The following HHIPL2 variants were observed in gnomAD, a reference collection of about 807,000 sequenced individuals.
HHIPL2 encodes HHIP-like protein 2.
HHIPL2 carries 61 observed loss-of-function variants against 61.0 expected under a neutral mutation model. The observed-to-expected ratio is 1.00, with a 90% CI of 0.81 to 1.24. The LOEUF is 1.24. Ranked by LOEUF, HHIPL2 falls within the 50% of genes most tolerant of loss-of-function variation. The pLI, the probability that HHIPL2 is intolerant of heterozygous loss-of-function variation, is 0.00. For synonymous variants in HHIPL2, 343 were observed against 357.4 expected, an observed-to-expected ratio of 0.96 and a Z score of 0.45; for missense variants, 885 against 910.2, an observed-to-expected ratio of 0.97 and a Z score of 0.36.
rs371900005 is a variant in HHIPL2, at chr1:222,538,708, T to A, written c.1517A>T (p.Tyr506Phe). The change falls in exon 5 of 9, where the codon TAT becomes TTT. Residue 506 changes from tyrosine (Y) to phenylalanine (F), a missense_variant. Coordinates refer to ENST00000343410, the MANE Select transcript of HHIPL2 (RefSeq NM_024746.4). ...VGKSVTGGYV[Y>F]RGCESPNLNG... ...GAGATTTGGGGATTCACAACCACGATAGACATAACCTCCAGTGACTGACTT... is the reference window on the plus strand; with the variant it reads ...GAGATTTGGGGATTCACAACCACGAAAGACATAACCTCCAGTGACTGACTT... The A allele has an allele frequency of 9.9e-6, 16 of 1,613,940 alleles. No homozygotes were observed. The highest frequency in any genetic ancestry group is 1.0e-5 in the Non-Finnish European group (12 of 1,179,826).
In HHIPL2 at chr1:222,538,817, A is replaced by ATT. The variant is rs555772879; in HGVS notation, c.1451-45_1451-44dup. 48 of 1,607,376 alleles carry ATT rather than the reference A, an allele frequency of 3.0e-5. No homozygotes were observed. The South Asian group carries it at 4.9e-4, about 16-fold the overall frequency. On this transcript the variant is annotated intron_variant, in intron 4 of 8. Coordinates refer to ENST00000343410, the MANE Select transcript of HHIPL2 (RefSeq NM_024746.4). ...AAGAGAGTGAGTGTCGTGGCCTAAA[A>ATT]TTGAAAGCTTCAAGGAGGAAGAAGG...
intron 5 of HHIPL2, among the ~76,000 whole-genome samples, chr1:222,537,562 G>T (rs1221280549): frequency 6.6e-6 from 1 of 151,352 alleles, no homozygotes; most frequent in African/African-American, 2.4e-5. Flanking sequence ...ACCCCGGGAG[G>T]TGGAGCTTGC....
chr1:222,526,536 T>C (rs980803483), intron 7 of HHIPL2, among the ~76,000 whole-genome samples: 4 of 151,712 alleles, frequency 2.6e-5, no homozygotes, highest in Non-Finnish European at 2.9e-5. Context: ...AGAAACCCCA[T>C]CTCTACTAAA....
rs779134166 is a variant in HHIPL2 at position 222,526,973 on chromosome 1, AG to A, written c.1800del (p.Ser601GlnfsTer16). ...PRGSIYKFVD[P>X]SRRAPPGKCK... is the part of the protein sequence containing the mutation. Reference sequence around the variant, plus strand: ...GAAAATGACATCAAATCTCACCTTGAGGGGTCAACAAACTTGTAAATAGATC... The same window carrying A: ...GAAAATGACATCAAATCTCACCTTGAGGGTCAACAAACTTGTAAATAGATC... On this transcript the variant is annotated frameshift_variant, in exon 7 of 9. Transcript: ENST00000343410. LOFTEE classifies it high-confidence loss of function. The A allele has an allele frequency of 6.2e-7, 1 of 1,612,128 alleles. No homozygotes were observed. Among genetic ancestry groups the A allele is most frequent in the South Asian group, 1.1e-5 (1 of 90,730 alleles).
At chr1:222,544,777 G>A (rs1467313031) in intron 1 of HHIPL2, among the ~76,000 whole-genome samples, 1 of 152,184 alleles carries the variant, frequency 6.6e-6, no homozygotes, top group African/African-American at 2.4e-5. Flanking sequence ...TGGAGATACA[G>A]TGTTAATTAT....
chr1:222,543,671 G>T lies in HHIPL2; in HGVS notation c.840C>A (p.His280Gln), dbSNP rs758120875. 3 of 1,614,012 alleles carry T rather than the reference G, an allele frequency of 1.9e-6. No homozygotes were observed. Among genetic ancestry groups the T allele is most frequent in the Admixed American group, 1.7e-5 (1 of 60,002 alleles). The change falls in exon 2 of 9, where the codon CAC becomes CAA. Residue 280 changes from histidine to glutamine, a missense_variant. Physicochemically the swap from His to Gln is conservative, Grantham distance 24 (BLOSUM62 0). Coordinates refer to ENST00000343410, the MANE Select transcript of HHIPL2 (RefSeq NM_024746.4). ...DERGFLGLAF[H>Q]PKFRHNRKFY... ...ACTTGCGATTGTGGCGGAATTTGGG[G>T]TGAAAAGCCAACCCCAAGAAGCCTC...
rs774635136 is a variant in HHIPL2 at position 222,543,583 on chromosome 1, T to G, written c.928A>C (p.Lys310Gln). 1 of 1,614,062 alleles carries G rather than the reference T, an allele frequency of 6.2e-7. No homozygotes were observed. The highest frequency in any genetic ancestry group is 8.5e-7 in the Non-Finnish European group (1 of 1,179,944). Residue 310 changes from lysine (K) to glutamine (Q), a missense_variant, in exon 2 of 9, where the codon AAG becomes CAG. Lys to Gln is a moderately conservative substitution (Grantham distance 53). Transcript: ENST00000343410. ...KVEKIRISEM[K>Q]VSRADPNKAD... ...TTGTTAGGATCAGCCCGAGAAACCTTCATCTCACTAATTCGGATCTTTTCT... is the reference window on the plus strand; with the variant it reads ...TTGTTAGGATCAGCCCGAGAAACCTGCATCTCACTAATTCGGATCTTTTCT...
rs1370467295 is a variant in HHIPL2 at position 222,543,704 on chromosome 1, C to T, written c.807G>A (p.Gly269=). 6.2e-7 allele frequency: 1 copy of T among 1,614,062 alleles called. No individual in the cohort carries two copies. Among genetic ancestry groups the T allele is most frequent in the Admixed American group, 1.7e-5 (1 of 60,000 alleles). The change falls in exon 2 of 9, where the codon GGG becomes GGA. Residue 269 remains glycine, a synonymous_variant. Coordinates refer to ENST00000343410, the MANE Select transcript of HHIPL2 (RefSeq NM_024746.4). ...CCAACCCCAAGAAGCCTCTCTCATCCCCGATCCATGGGGTGGTCAACACGA... is the reference window on the plus strand; with the variant it reads ...CCAACCCCAAGAAGCCTCTCTCATCTCCGATCCATGGGGTGGTCAACACGA... The part of the protein sequence containing the change: ...KNIVLTTPWI[G]DERGFLGLAF...
At chr1:222,528,360 A>T (rs1323969169) in intron 6 of HHIPL2, among the ~76,000 whole-genome samples, 1 of 152,206 alleles carries the variant, frequency 6.6e-6, no homozygotes, top group South Asian at 2.1e-4. Context: ...TAATCCCAAC[A>T]CTTTGGGAGG....
intron 5 of HHIPL2, among the ~76,000 whole-genome samples, chr1:222,533,102 T>C (rs1304180121): frequency 6.6e-6 from 1 of 152,190 alleles, no homozygotes; most frequent in Non-Finnish European, 1.5e-5. Context: ...CAGTGGCTTA[T>C]GCCTGTAATC....
chr1:222,546,310 G>C (rs1659556036), intron 1 of HHIPL2, among the ~76,000 whole-genome samples: 1 of 152,156 alleles, frequency 6.6e-6, no homozygotes, highest in Admixed American at 6.5e-5. Context: ...TGTGCCCCAG[G>C]ATTGTTTTAC....
chr1:222,523,724 G>A (rs759396811), intron 7 of HHIPL2, 30 bp from the exon 8 acceptor site: 24 of 1,605,746 alleles, frequency 1.5e-5, no homozygotes, highest in Admixed American at 3.3e-5. Flanking sequence ...GCATGAGGAC[G>A]CAAGACTCTG....
Position 222,543,784 on chromosome 1 carries a change from C to T in HHIPL2, c.727G>A (p.Val243Ile), listed in dbSNP as rs145540643. 2 of 1,614,088 alleles carry T rather than the reference C, an allele frequency of 1.2e-6. No homozygotes were observed. Among genetic ancestry groups the T allele is most frequent in the South Asian group, 2.2e-5 (2 of 91,082 alleles). ...AGGCGACTCCCATCAGGGAGGTAGA[C>T]CCACACCACTCCTACCTGCTCGGCA... ...FVAEQVGVVW[V>I]YLPDGSRLEQ... The change falls in exon 2 of 9, where the codon GTC (valine) becomes ATC (isoleucine). Residue 243 changes from valine to isoleucine, a missense_variant. Physicochemically the swap from Val to Ile is conservative, Grantham distance 29. Transcript: ENST00000343410.
chr1:222,537,352 T>C (rs1344990565), intron 5 of HHIPL2, among the ~76,000 whole-genome samples: 2 of 151,014 alleles, frequency 1.3e-5, no homozygotes, highest in Non-Finnish European at 2.9e-5. Flanking sequence ...CACACCAATA[T>C]GATGGTGAAA....
chr1:222,526,832 A>G, intron 7 of HHIPL2, 137 bp downstream of exon 7: 1 of 658,642 alleles, frequency 1.5e-6, no homozygotes, highest in East Asian at 2.8e-5. Flanking sequence ...GCATTGTCCT[A>G]TGCCATTATT....
chr1:222,539,438 G>A (rs1309276562), intron 4 of HHIPL2, among the ~76,000 whole-genome samples: 1 of 150,004 alleles, frequency 6.7e-6, no homozygotes, highest in Non-Finnish European at 1.5e-5. Flanking sequence ...GCTGAGACAG[G>A]AGAATCACTT....
At position 222,522,797 on chromosome 1, in the gene HHIPL2, A is replaced by G; in HGVS notation, c.1979T>C (p.Leu660Ser). 1 of 1,614,144 alleles carries G rather than the reference A, an allele frequency of 6.2e-7. No homozygotes were observed. The highest frequency in any genetic ancestry group is 8.5e-7 in the Non-Finnish European group (1 of 1,180,016). The change falls in exon 9 of 9, where the codon TTG becomes TCG. Residue 660 changes from leucine to serine, a missense_variant. Transcript: ENST00000343410. The part of the protein sequence containing the change: ...ATLASGPAQG[L>S]SEKGSSKKLA... ...CTTCTTGGAGGAGCCTTTCTCAGAC[A>G]AACCCTGGGCTGGGCCAGAAGCTAA...
At chr1:222,534,587 A>ATAAAT (rs576749514) in intron 5 of HHIPL2, among the ~76,000 whole-genome samples, 3 of 69,452 alleles carry the variant, frequency 4.3e-5, no homozygotes, top group Admixed American at 2.1e-4. Flanking sequence ...TAAAAAAAAA[A>ATAAAT]AAAAAAAAAA....
intron 6 of HHIPL2, among the ~76,000 whole-genome samples, chr1:222,531,377 T>C (rs1202296196): frequency 6.6e-6 from 1 of 152,086 alleles, no homozygotes; most frequent in Admixed American, 6.6e-5. Context: ...CCCCTCACAG[T>C]GAGTTGTGTG....
Sources: allele counts gnomAD v4.1 joint callset (sites outside exome capture counted in the v4.1 genomes callset), GRCh38; gene constraint gnomAD v4.1.1; transcripts MANE v1.5; gene names NCBI Gene and HGNC (gene_info 2026-07-23, HGNC 2026-07-21).